Variants in PIWIL1 observed in about 807,000 individuals in gnomAD.
PIWIL1 encodes piwi-like protein 1.
Under a neutral mutation model 114.4 loss-of-function variants are expected in PIWIL1, and 73 were observed. The ratio of observed to expected loss-of-function variants is 0.64; its 90% CI spans 0.53 to 0.78. The LOEUF (loss-of-function observed/expected upper bound fraction) is 0.78, where lower values mean the gene tolerates loss of function less well. PIWIL1 is among the 30% of genes least tolerant of loss of function. PIWIL1 has a pLI of 0.00. For synonymous variants in PIWIL1, 375 were observed against 369.0 expected, an observed-to-expected ratio of 1.02 and a Z score of -0.19; for missense variants, 723 against 1,063.1, an observed-to-expected ratio of 0.68 and a Z score of 4.45.
the PIWIL1 span, among the ~76,000 whole-genome samples, chr12:130,403,518 T>A: frequency 6.6e-6 from 1 of 152,188 alleles, no homozygotes; most frequent in Non-Finnish European, 1.5e-5. Context: ...TCTGAAGATA[T>A]GTAGATTGTT....
At chr12:130,386,437 A>G in the PIWIL1 span, among the ~76,000 whole-genome samples, 1 of 64,016 alleles carries the variant, frequency 1.6e-5, no homozygotes, top group Non-Finnish European at 3.7e-5. Context: ...ACCCATGCAC[A>G]CTACCCCTTC....
At chr12:130,425,478 CAG>C in the PIWIL1 span, 1 of 152,442 alleles carries the variant, frequency 6.6e-6, no homozygotes, top group African/African-American at 2.4e-5. Flanking sequence ...CACCATCGTG[CAG>C]AGTCTGTGTC....
In PIWIL1 at chr12:130,354,543, A is replaced by G; in HGVS notation, c.1051A>G (p.Asn351Asp). Residue 351 changes from asparagine to aspartate, a missense_variant, in exon 10 of 21, where the codon AAC becomes GAC. This residue lies in a region of PIWIL1 where 298 missense variants were observed against 420.8 expected (regional missense o/e 0.71). Transcript: ENST00000245255. ...SFLEYYRKQY[N>D]QEITDLKQPV... is the part of the protein sequence containing the mutation. ...CCTTTCGTCTCTTGAGCAGCAATAC[A>G]ACCAAGAGATCACCGACTTGAAGCA... is the stretch of plus-strand genomic sequence containing the variant. 6.2e-7 allele frequency: 1 copy of G among 1,614,072 alleles called. No individual in the cohort carries two copies. Among genetic ancestry groups the G allele is most frequent in the Non-Finnish European group, 8.5e-7 (1 of 1,180,000 alleles).
chr12:130,406,097 C>T, the PIWIL1 span: 5 of 959,354 alleles, frequency 5.2e-6, no homozygotes, highest in Non-Finnish European at 6.6e-6. Flanking sequence ...AAGGAACGGA[C>T]TAGCAAAACA....
chr12:130,342,360 T>C (rs1031091489), intron 1 of PIWIL1: 1 of 541,698 alleles, frequency 1.8e-6, no homozygotes, highest in Non-Finnish European at 3.3e-6. Context: ...GGTTTTCCCC[T>C]TTGGCCCTAC....
chr12:130,399,915 G>C, the PIWIL1 span: 1 of 1,294,570 alleles, frequency 7.7e-7, no homozygotes, highest in Non-Finnish European at 1.1e-6. Context: ...TACATGGTGA[G>C]TTTATTCTGG....
the PIWIL1 span, chr12:130,399,131 C>CTGAT: frequency 7.2e-7 from 1 of 1,397,018 alleles, no homozygotes; most frequent in African/African-American, 1.5e-5. Flanking sequence ...GCTACATTGC[C>CTGAT]TGATTAAGGT....
chr12:130,401,067 T>G, the PIWIL1 span, among the ~76,000 whole-genome samples: 602 of 152,326 alleles, frequency 4.0e-3, 4 homozygotes, highest in African/African-American at 0.014. Context: ...GTTTGCACAA[T>G]GTAAACATAC....
intron 18 of PIWIL1, among the ~76,000 whole-genome samples, chr12:130,365,751 T>C (rs1460472552): frequency 6.6e-6 from 1 of 152,236 alleles, no homozygotes; most frequent in Non-Finnish European, 1.5e-5. Flanking sequence ...CTAAGACTGA[T>C]ACTTGTTTTA....
chr12:130,377,776 A>T, the PIWIL1 span, among the ~76,000 whole-genome samples: 2 of 152,188 alleles, frequency 1.3e-5, no homozygotes, highest in African/African-American at 4.8e-5. Context: ...GAGGTACCTT[A>T]GCACAAGCGG....
chr12:130,341,263 C>G (rs1443633050), intron 1 of PIWIL1, among the ~76,000 whole-genome samples: 2 of 152,190 alleles, frequency 1.3e-5, no homozygotes, highest in Non-Finnish European at 2.9e-5. Flanking sequence ...TCTTTTGGTT[C>G]TGCATCCAGT....
chr12:130,357,623 T>C (rs2073398575), intron 14 of PIWIL1, 70 bp downstream of exon 14: 3 of 954,906 alleles, frequency 3.1e-6, no homozygotes, highest in Non-Finnish European at 3.3e-6. Flanking sequence ...TGTGTACATT[T>C]TGGAACTTGG....
At chr12:130,349,074 G>C (rs1593093684) in intron 7 of PIWIL1, among the ~76,000 whole-genome samples, 165 bp from the exon 8 acceptor site, 4 of 152,154 alleles carry the variant, frequency 2.6e-5, no homozygotes, top group African/African-American at 9.7e-5. Context: ...TAATGTTGTT[G>C]AAGGTCTTAA....
intron 1 of PIWIL1, chr12:130,339,580 C>G (rs1236334642): frequency 1.3e-5 from 2 of 152,222 alleles, no homozygotes; most frequent in Non-Finnish European, 2.9e-5. Context: ...GAAGCACACA[C>G]TTGCTTTCTG....
the PIWIL1 span, among the ~76,000 whole-genome samples, chr12:130,409,916 G>A: frequency 3.2e-3 from 480 of 152,342 alleles, 3 homozygotes; most frequent in African/African-American, 0.011. Flanking sequence ...GTGTATAAGA[G>A]GGAAGTTGTT....
At chr12:130,382,034 A>G in the PIWIL1 span, among the ~76,000 whole-genome samples, 1 of 152,304 alleles carries the variant, frequency 6.6e-6, no homozygotes, top group African/African-American at 2.4e-5. Context: ...TTCTTTGCAT[A>G]TTTTAGATAA....
chr12:130,412,805 A>G, the PIWIL1 span: 1 of 1,603,384 alleles, frequency 6.2e-7, no homozygotes, highest in Non-Finnish European at 8.5e-7. Flanking sequence ...CAAGGGGGAA[A>G]ATAAATCAAG....
At chr12:130,368,410 G>C (rs2073729792) in intron 19 of PIWIL1, among the ~76,000 whole-genome samples, 3 of 152,182 alleles carry the variant, frequency 2.0e-5, no homozygotes, top group Admixed American at 2.0e-4. Context: ...ATAGCATACA[G>C]AGTTTAGTCT....
At chr12:130,414,877 GAC>G in the PIWIL1 span, among the ~76,000 whole-genome samples, 4 of 152,272 alleles carry the variant, frequency 2.6e-5, no homozygotes, top group East Asian at 7.7e-4. Flanking sequence ...TACATTCCTA[GAC>G]ACACACAACC....
Sources: gnomAD v4.1 joint callset for allele counts (sites outside exome capture counted in the v4.1 genomes callset) on GRCh38, gnomAD v4.1.1 for gene constraint, gnomAD v4.1.1 regional missense constraint, MANE v1.5 for transcripts, NCBI Gene and HGNC (gene_info 2026-07-23, HGNC 2026-07-21) for gene names.